ARHGEF10: variants seen among roughly 807,000 people sequenced by gnomAD.
ARHGEF10 encodes the protein Rho guanine nucleotide exchange factor 10, also known as Rho guanine nucleotide exchange factor (GEF) 10.
A neutral mutation model predicts 147.4 loss-of-function variants in ARHGEF10; 140 were observed. The ratio of observed to expected loss-of-function variants is 0.95; its 90% CI spans 0.83 to 1.09. ARHGEF10 has a LOEUF of 1.09. ARHGEF10 is among the 50% of genes least tolerant of loss of function. The probability of loss-of-function intolerance (pLI) is 0.00; values close to 1 mark genes in which losing one functional copy is unlikely to be tolerated. For missense variants in ARHGEF10, 2,222 were observed against 1,752.7 expected (o/e 1.27, Z -4.78); for synonymous variants, 902 against 695.8 (o/e 1.30, Z -4.67).
At chr8:1,841,685 C>T (rs1301690486) in intron 1 of ARHGEF10, among the ~76,000 whole-genome samples, 1 of 152,062 alleles carries the variant, frequency 6.6e-6, no homozygotes, top group African/African-American at 2.4e-5. Context: ...AACCGAAGTT[C>T]CGCTCTTTTC....
Position 1,882,727 on chromosome 8 carries a change from G to C in ARHGEF10, c.1053G>C (p.Arg351Ser). 6.5e-7 allele frequency: 1 copy of C among 1,547,828 alleles called. No individual in the cohort carries two copies. Among genetic ancestry groups the C allele is most frequent in the Non-Finnish European group, 8.7e-7 (1 of 1,144,252 alleles). Residue 351 changes from arginine (R) to serine (S), a missense_variant, in exon 10 of 29, where the codon AGG (arginine) becomes AGC (serine). Coordinates refer to ENST00000349830, the MANE Select transcript of ARHGEF10 (RefSeq NM_014629.4). ...AAVKRGRSFI[R>S]TKSLIAQDHR... ...TGAAGAGGGGCCGCTCCTTCATCAG[G>C]ACCAAGTCTCTCATCGCACAGGGTC... is the stretch of plus-strand genomic sequence containing the variant.
chr8:1,857,011 A>G (rs1805601863), intron 2 of ARHGEF10, among the ~76,000 whole-genome samples: 1 of 152,152 alleles, frequency 6.6e-6, no homozygotes. Flanking sequence ...CAAATGATGC[A>G]CACGGCAGGC....
chr8:1,951,793 G>A (rs898783530), intron 27 of ARHGEF10, among the ~76,000 whole-genome samples: 9 of 152,228 alleles, frequency 5.9e-5, no homozygotes, highest in African/African-American at 2.2e-4. Context: ...TGACGATTGT[G>A]TCAGAGTTGT....
chr8:1,941,670 A>G (rs951347953), intron 26 of ARHGEF10, among the ~76,000 whole-genome samples: 1 of 152,328 alleles, frequency 6.6e-6, no homozygotes, highest in African/African-American at 2.4e-5. Context: ...AATCTAGAAA[A>G]AGAACAAAAT....
intron 1 of ARHGEF10, among the ~76,000 whole-genome samples, chr8:1,824,909 G>A (rs1802653142): frequency 9.7e-5 from 2 of 20,558 alleles, no homozygotes; most frequent in Non-Finnish European, 1.6e-4. Flanking sequence ...CGTGTACCCC[G>A]CCTGTCCCTC....
At chr8:1,870,630 T>C (rs995512264) in intron 7 of ARHGEF10, 2 of 152,204 alleles carry the variant, frequency 1.3e-5, no homozygotes, top group Non-Finnish European at 2.9e-5. Context: ...ACACTAAATG[T>C]TAAGCCATAA....
rs1004545543 is a variant in ARHGEF10, at chr8:1,950,618, C to T, written c.3398-2087C>T. On this transcript the variant is annotated intron_variant, in intron 27 of 28. Transcript: ENST00000349830. ...TGCGATCTTGGCTCACTGCAACCTC[C>T]GCCTCCCGGGTTCAAGCAATTCTCC... Among the ~76,000 whole-genome samples, 7 of 151,874 alleles carry T rather than the reference C, an allele frequency of 4.6e-5. No homozygotes were observed. The East Asian group carries it at 1.2e-3, about 25-fold the overall frequency.
At chr8:1,833,058 A>ACG (rs1327988558) in intron 1 of ARHGEF10, among the ~76,000 whole-genome samples, 1 of 65,352 alleles carries the variant, frequency 1.5e-5, no homozygotes, top group African/African-American at 5.5e-5. Flanking sequence ...AGAGGCAGAG[A>ACG]GAGACAGAGA....
intron 7 of ARHGEF10, among the ~76,000 whole-genome samples, chr8:1,872,304 A>G (rs972517569): frequency 6.6e-6 from 1 of 152,250 alleles, no homozygotes; most frequent in African/African-American, 2.4e-5. Flanking sequence ...CACCAGGCTC[A>G]GATGTTTTTA....
At chr8:1,856,625 TG>T (rs890643736) in intron 2 of ARHGEF10, among the ~76,000 whole-genome samples, 2 of 152,208 alleles carry the variant, frequency 1.3e-5, no homozygotes, top group Non-Finnish European at 2.9e-5. Context: ...TGTGTGTCTG[TG>T]GGTTGCTCCC....
intron 11 of ARHGEF10, among the ~76,000 whole-genome samples, chr8:1,888,458 G>C (rs548296047): frequency 7.5e-6 from 1 of 132,996 alleles, no homozygotes; most frequent in African/African-American, 3.1e-5. Context: ...GCACTGAGTG[G>C]GGTGAGGGGT....
intron 8 of ARHGEF10, 53 bp from the exon 9 acceptor site, chr8:1,879,995 A>G: frequency 1.5e-6 from 2 of 1,310,194 alleles, no homozygotes; most frequent in Non-Finnish European, 2.2e-6. Flanking sequence ...AAATTGTCCC[A>G]AAGAACCAAA....
chr8:1,921,890 A>G (rs1187289387), intron 18 of ARHGEF10, among the ~76,000 whole-genome samples: 1 of 152,148 alleles, frequency 6.6e-6, no homozygotes, highest in Non-Finnish European at 1.5e-5. Flanking sequence ...TACTCAACTT[A>G]AATGAATTTC....
rs1803869894 is a variant in ARHGEF10, at chr8:1,839,880, AACTGTCTGGTGTGGG to A, written c.-47-3472_-47-3458del. Among the ~76,000 whole-genome samples the A allele has an allele frequency of 7.0e-5, 5 of 71,884 alleles. No individual in the cohort carries two copies. In the East Asian group the frequency reaches 1.4e-3, roughly 20 times the overall value. The allele number at this position is 71,884 out of a possible 152,430, so 47.2% of individuals were successfully genotyped here. On this transcript the variant is annotated intron_variant, in intron 1 of 28. Coordinates refer to ENST00000349830, the MANE Select transcript of ARHGEF10 (RefSeq NM_014629.4). ...TGGTGTGGGGACTGTCTGGTGTGGA[AACTGTCTGGTGTGGG>A]GACTGTCCGGTGTGGGGACTGTCCG...
chr8:1,892,277 CTGTGTGTGTG>C (rs66526026), intron 11 of ARHGEF10, among the ~76,000 whole-genome samples: 1,828 of 126,620 alleles, frequency 0.014, 26 homozygotes, highest in East Asian at 0.04. Flanking sequence ...GCTTCTGGCT[CTGTGTGTGTG>C]TGTGTGTGTG....
intron 18 of ARHGEF10, among the ~76,000 whole-genome samples, 185 bp from the exon 19 acceptor site, chr8:1,922,779 T>C (rs1812394879): frequency 6.6e-6 from 1 of 152,218 alleles, no homozygotes; most frequent in African/African-American, 2.4e-5. Context: ...TCTAAAATTA[T>C]TTCCAAATAA....
chr8:1,870,839 AC>A (rs1239452274), intron 7 of ARHGEF10: 2 of 152,186 alleles, frequency 1.3e-5, no homozygotes, highest in Non-Finnish European at 2.9e-5. Flanking sequence ...CCGGCCAGGC[AC>A]GGTCGCTCAC....
chr8:1,877,774 A>G (rs780431404), intron 8 of ARHGEF10, among the ~76,000 whole-genome samples: 2 of 151,978 alleles, frequency 1.3e-5, no homozygotes, highest in Admixed American at 1.3e-4. Flanking sequence ...GTGCTCATCT[A>G]CAGTGATGTC....
chr8:1,911,185 C>G (rs1381664347), intron 18 of ARHGEF10, among the ~76,000 whole-genome samples: 2 of 152,120 alleles, frequency 1.3e-5, no homozygotes, highest in African/African-American at 4.8e-5. Flanking sequence ...AAATGTTTTT[C>G]TTTATTCTGA....
Sources: allele counts gnomAD v4.1 joint callset (sites outside exome capture counted in the v4.1 genomes callset), GRCh38; gene constraint gnomAD v4.1.1; transcripts MANE v1.5; gene names NCBI Gene and HGNC (gene_info 2026-07-23, HGNC 2026-07-21).